Variants in PTPRD observed in about 807,000 individuals in gnomAD.
The protein encoded by PTPRD is protein tyrosine phosphatase receptor type D.
Under a neutral mutation model 214.5 loss-of-function variants are expected in PTPRD, and 34 were observed. The ratio of observed to expected loss-of-function variants is 0.16; its 90% confidence interval spans 0.12 to 0.21. PTPRD has a LOEUF of 0.21. PTPRD is among the 10% of genes least tolerant of loss of function. The pLI is 1.00. For missense variants in PTPRD, 2,545 were observed against 2,398.7 expected (o/e 1.06, Z -1.27); for synonymous variants, 1,128 against 845.7 (o/e 1.33, Z -5.79).
intron 10 of PTPRD, among the ~76,000 whole-genome samples, chr9:9,105,965 A>G (rs2099797914): frequency 6.6e-6 from 1 of 151,970 alleles, no homozygotes; most frequent in African/African-American, 2.4e-5. Context: ...CTAAGGCAGA[A>G]TCTCTGTAGA....
intron 10 of PTPRD, among the ~76,000 whole-genome samples, chr9:9,034,009 C>A (rs2099613864): frequency 6.6e-6 from 1 of 152,010 alleles, no homozygotes; most frequent in South Asian, 2.1e-4. Context: ...AAGTAGTATA[C>A]AAAATTCTCC....
chr9:8,974,222 G>A (rs934502226), intron 11 of PTPRD, among the ~76,000 whole-genome samples: 9 of 151,890 alleles, frequency 5.9e-5, no homozygotes, highest in African/African-American at 2.2e-4. Context: ...GTTAATTTTT[G>A]TACGTAGTGA....
At chr9:8,546,215 T>C (rs2080097746) in intron 14 of PTPRD, among the ~76,000 whole-genome samples, 3 of 152,202 alleles carry the variant, frequency 2.0e-5, no homozygotes, top group South Asian at 2.1e-4. Context: ...CCATATAATA[T>C]AAAAACTGAT....
At chr9:10,475,262 G>C (rs974643452) in intron 2 of PTPRD, among the ~76,000 whole-genome samples, 1 of 151,894 alleles carries the variant, frequency 6.6e-6, no homozygotes, top group South Asian at 2.1e-4. Flanking sequence ...GAAGAAAAGG[G>C]AGAAGAATCA....
chr9:9,255,719 A>T (rs2131824022), intron 9 of PTPRD, among the ~76,000 whole-genome samples: 1 of 152,200 alleles, frequency 6.6e-6, no homozygotes, highest in South Asian at 2.1e-4. Context: ...GTAAAAGGGA[A>T]TCATGATGAT....
chr9:8,534,643 A>T (rs1391614358), intron 14 of PTPRD, among the ~76,000 whole-genome samples: 3 of 151,878 alleles, frequency 2.0e-5, no homozygotes, highest in Non-Finnish European at 2.9e-5. Flanking sequence ...ATATATACAC[A>T]CACACACACA....
intron 10 of PTPRD, among the ~76,000 whole-genome samples, chr9:9,089,573 A>C (rs1298136646): frequency 6.6e-6 from 1 of 152,218 alleles, no homozygotes; most frequent in Non-Finnish European, 1.5e-5. Context: ...AATTGATTCC[A>C]TGTAGCAAAA....
At chr9:10,230,295 C>T (rs1348334903) in intron 3 of PTPRD, among the ~76,000 whole-genome samples, 4 of 151,938 alleles carry the variant, frequency 2.6e-5, no homozygotes, top group African/African-American at 4.8e-5. Flanking sequence ...TTAAGCCATT[C>T]GATTTATGGG....
chr9:8,956,745 A>T (rs1260163834), intron 11 of PTPRD, among the ~76,000 whole-genome samples: 1 of 151,776 alleles, frequency 6.6e-6, no homozygotes, highest in African/African-American at 2.4e-5. Context: ...CCCTCTAAAA[A>T]ATCCCAATAA....
intron 3 of PTPRD, among the ~76,000 whole-genome samples, chr9:10,285,502 GCA>G (rs2095314195): frequency 6.6e-6 from 1 of 150,982 alleles, no homozygotes; most frequent in South Asian, 2.1e-4. Flanking sequence ...TTTTTAAAAA[GCA>G]CACACAGCCT....
At chr9:8,332,009 G>C (rs575682702) in intron 43 of PTPRD, among the ~76,000 whole-genome samples, 1 of 152,156 alleles carries the variant, frequency 6.6e-6, no homozygotes, top group East Asian at 1.9e-4. Flanking sequence ...CTCGTTAGTA[G>C]CCATCCACAT....
intron 39 of PTPRD, among the ~76,000 whole-genome samples, chr9:8,346,032 C>G (rs1437124869): frequency 1.3e-5 from 2 of 151,962 alleles, no homozygotes; most frequent in Non-Finnish European, 2.9e-5. Flanking sequence ...TTCAAACTGT[C>G]TTCAAGTTTA....
chr9:10,047,354 T>TGTGTGTGTG (rs1567301483), intron 3 of PTPRD, among the ~76,000 whole-genome samples: 3 of 132,426 alleles, frequency 2.3e-5, no homozygotes, highest in African/African-American at 8.2e-5. Flanking sequence ...GTGTGTGTGC[T>TGTGTGTGTG]TGTGTGATAA....
intron 11 of PTPRD, among the ~76,000 whole-genome samples, chr9:8,976,175 C>G (rs2099266999): frequency 6.6e-6 from 1 of 151,990 alleles, no homozygotes; most frequent in African/African-American, 2.4e-5. Flanking sequence ...ATCTTTTGCC[C>G]TATCTGGGGA....
At chr9:8,700,959 G>C (rs564484308) in intron 12 of PTPRD, 1 of 151,526 alleles carries the variant, frequency 6.6e-6, no homozygotes, top group Non-Finnish European at 1.5e-5. Flanking sequence ...TCAGGAGTTC[G>C]AGACCAGCCC....
intron 14 of PTPRD, among the ~76,000 whole-genome samples, chr9:8,566,430 G>A (rs1001685637): frequency 6.6e-6 from 1 of 152,226 alleles, no homozygotes; most frequent in Non-Finnish European, 1.5e-5. Flanking sequence ...AAGACTAACA[G>A]CATATCAAAA....
chr9:10,002,354 A>G (rs1030515440), intron 4 of PTPRD, among the ~76,000 whole-genome samples: 3 of 144,466 alleles, frequency 2.1e-5, no homozygotes, highest in African/African-American at 7.4e-5. Flanking sequence ...ATATTTATAT[A>G]AAGAATTCCA....
At chr9:9,426,983 C>G (rs1413472186) in intron 8 of PTPRD, among the ~76,000 whole-genome samples, 2 of 152,150 alleles carry the variant, frequency 1.3e-5, no homozygotes, top group African/African-American at 4.8e-5. Flanking sequence ...GATGAAAAAT[C>G]TAAAAATCAG....
chr9:10,135,880 C>T (rs987241321), intron 3 of PTPRD, among the ~76,000 whole-genome samples: 1 of 150,584 alleles, frequency 6.6e-6, no homozygotes, highest in Non-Finnish European at 1.5e-5. Context: ...CACAGATCAA[C>T]ATTAATCTTG....
Sources: gnomAD v4.1 joint callset for allele counts (sites outside exome capture counted in the v4.1 genomes callset) on GRCh38, gnomAD v4.1.1 for gene constraint, MANE v1.5 for transcripts, NCBI Gene and HGNC (gene_info 2026-07-23, HGNC 2026-07-21) for gene names.